The following ADA variants were observed in gnomAD, a reference collection of about 807,000 sequenced individuals.
ADA encodes adenosine aminohydrolase.
In ADA, 45 loss-of-function variants were observed where a neutral mutation model predicts 49.0. The observed-to-expected ratio is 0.92, with a 90% CI of 0.72 to 1.18. The LOEUF is 1.18. Among genes scored for constraint, ADA ranks in the 50% most tolerant of loss-of-function variants. The pLI is 0.00. For synonymous variants in ADA, 173 were observed against 184.2 expected, an observed-to-expected ratio of 0.94 and a Z score of 0.49; for missense variants, 445 against 472.5, an observed-to-expected ratio of 0.94 and a Z score of 0.54.
At chr20:44,628,981 G>A (rs2065407572) in intron 3 of ADA, 66 bp downstream of exon 3, 3 of 1,611,414 alleles carry the variant, frequency 1.9e-6, no homozygotes, top group Non-Finnish European at 2.5e-6. Flanking sequence ...CAGGCTGAGG[G>A]ACAGGCCTGG....
At chr20:44,626,637 C>G in intron 3 of ADA, 38 bp from the exon 4 acceptor site, 2 of 1,612,426 alleles carry the variant, frequency 1.2e-6, no homozygotes, top group African/African-American at 1.3e-5. Flanking sequence ...CAACCTTCCC[C>G]AAGTCCCTTG....
chr20:44,648,017 G>A (rs1363285756), intron 1 of ADA, among the ~76,000 whole-genome samples: 1 of 152,094 alleles, frequency 6.6e-6, no homozygotes, highest in African/African-American at 2.4e-5. Flanking sequence ...CTGCACTCCA[G>A]CTTGGGCGAC....
chr20:44,622,571 A>C lies in ADA; in HGVS notation c.845+17T>G, dbSNP rs763198534. On this transcript the variant is annotated intron_variant, in intron 9 of 11. Transcript: ENST00000372874. ...TCCTGGAACAAAATTGAACAGGCCC[A>C]GGGGAACAGAGCTCACCGAATGACT... The C allele has an allele frequency of 4.3e-6, 7 of 1,614,216 alleles. No homozygotes were observed. The Admixed American group carries it at 1.0e-4, about 23-fold the overall frequency.
At chr20:44,620,512 A>AG (rs1475388402) in intron 10 of ADA, 111 bp from the exon 11 acceptor site, 1 of 911,458 alleles carries the variant, frequency 1.1e-6, no homozygotes, top group Non-Finnish European at 1.8e-6. Flanking sequence ...ATACGCTTAG[A>AG]GGGGGAAGGA....
rs1458135388 is a variant in ADA at position 44,625,680 on chromosome 20, C to G, written c.367G>C (p.Asp123His). ...EPIPWNQAEG[D>H]LTPDEVVALV... ...GCCACCACCTCGTCTGGGGTGAGGT[C>G]CCCTCTGTGTGAGGAGAGGAGTAGG... The change falls in exon 5 of 12, where the codon GAC becomes CAC. Residue 123 changes from aspartate (D) to histidine (H), a missense_variant. Physicochemically the swap from Asp to His is moderately conservative, Grantham distance 81. Transcript: ENST00000372874. 4 of 1,559,596 alleles carry G rather than the reference C, an allele frequency of 2.6e-6. No individual in the cohort carries two copies. The African/African-American group carries it at 5.4e-5, about 21-fold the overall frequency.
At chr20:44,631,966 C>G (rs913913641) in intron 2 of ADA, among the ~76,000 whole-genome samples, 30 of 152,228 alleles carry the variant, frequency 2.0e-4, no homozygotes, top group Admixed American at 7.2e-4. Context: ...ATCTACCCAG[C>G]TGCCCACACC....
Position 44,626,491 on chromosome 20 carries a change from G to A in ADA, c.327C>T (p.Asn109=). The A allele has an allele frequency of 6.2e-7, 1 of 1,614,134 alleles. No homozygotes were observed. The highest frequency in any genetic ancestry group is 1.1e-5 in the South Asian group (1 of 91,078). ...TCCAGGGGATTGGCTCCACTTTGGA[G>A]TTGGCCAGCAGGTGCGGACTGTACC... ...EVRYSPHLLA[N]SKVEPIPWNQ... Residue 109 remains asparagine, a synonymous_variant, in exon 4 of 12, where the codon AAC becomes AAT. Coordinates refer to ENST00000372874, the MANE Select transcript of ADA (RefSeq NM_000022.4).
rs369533440 is a variant in ADA, at chr20:44,621,728, T to C, written c.846-581A>G. Among the ~76,000 whole-genome samples, 19 of 152,292 alleles carry C rather than the reference T, an allele frequency of 1.2e-4. No homozygotes were observed. The South Asian group carries it at 3.9e-3, about 32-fold the overall frequency. On this transcript the variant is annotated intron_variant, in intron 9 of 11. Coordinates refer to ENST00000372874, the MANE Select transcript of ADA (RefSeq NM_000022.4). ...TTTGACTTTCCTCCTACTTGTCTCT[T>C]TTGCTGGTCCCTTAAATACCATTGT...
intron 9 of ADA, among the ~76,000 whole-genome samples, chr20:44,621,940 T>C (rs2065336003): frequency 1.3e-5 from 2 of 152,284 alleles, no homozygotes; most frequent in African/African-American, 4.8e-5. Context: ...CCCCTTGTCA[T>C]CAGAACATCA....
chr20:44,645,549 G>A (rs2065582637), intron 1 of ADA, among the ~76,000 whole-genome samples: 1 of 152,056 alleles, frequency 6.6e-6, no homozygotes, highest in Non-Finnish European at 1.5e-5. Context: ...TTGAACCCGG[G>A]AGGCAGAGGT....
chr20:44,641,626 C>A (rs937340554), intron 1 of ADA, among the ~76,000 whole-genome samples: 2 of 152,044 alleles, frequency 1.3e-5, no homozygotes, highest in African/African-American at 4.8e-5. Flanking sequence ...TCAAACCAGG[C>A]CTGGCCTTGG....
At chr20:44,650,011 A>G (rs1286163140) in intron 1 of ADA, among the ~76,000 whole-genome samples, 2 of 152,222 alleles carry the variant, frequency 1.3e-5, no homozygotes, top group African/African-American at 4.8e-5. Flanking sequence ...CTGGGATTAT[A>G]GGCGTGAGCC....
intron 1 of ADA, among the ~76,000 whole-genome samples, chr20:44,637,600 G>A (rs1001951428): frequency 6.6e-6 from 1 of 152,204 alleles, no homozygotes; most frequent in Non-Finnish European, 1.5e-5. Flanking sequence ...GGATAAGAAA[G>A]TTGGCTGCCC....
In ADA at chr20:44,648,940, G is replaced by A. The variant is rs942926353; in HGVS notation, c.33+2635C>T. Among the ~76,000 whole-genome samples, 4 of 152,186 alleles carry A rather than the reference G, an allele frequency of 2.6e-5. No homozygotes were observed. In the East Asian group the frequency reaches 7.7e-4, roughly 29 times the overall value. On this transcript the variant is annotated intron_variant, in intron 1 of 11. Transcript: ENST00000372874. Reference sequence around the variant, plus strand: ...TTTCTTCTAGCTGACCAGGTCCCAGGCCTCAGCTGGTGGCAGGTATGAGAA... The same window carrying A: ...TTTCTTCTAGCTGACCAGGTCCCAGACCTCAGCTGGTGGCAGGTATGAGAA...
intron 1 of ADA, among the ~76,000 whole-genome samples, chr20:44,639,400 A>T (rs1451436244): frequency 6.6e-6 from 1 of 151,836 alleles, no homozygotes; most frequent in Non-Finnish European, 1.5e-5. Context: ...GTTATGTTAC[A>T]CTAGAGACAC....
chr20:44,633,939 A>C lies in ADA; in HGVS notation c.95+2288T>G, dbSNP rs73909566. ...CCATTCTTAGCCCATATTTGTGTGC[A>C]TTTACAGACACCCATATCTGAGTGT... On this transcript the variant is annotated intron_variant, in intron 2 of 11. Coordinates refer to ENST00000372874, the MANE Select transcript of ADA (RefSeq NM_000022.4). Among the ~76,000 whole-genome samples the C allele has an allele frequency of 6.1e-3, 928 of 152,296 alleles. 5 individuals carry two copies. Among genetic ancestry groups the C allele is most frequent in the African/African-American group, 0.021 (871 of 41,566 alleles).
chr20:44,650,375 G>A (rs1379005821), intron 1 of ADA, among the ~76,000 whole-genome samples: 2 of 152,152 alleles, frequency 1.3e-5, no homozygotes, highest in Non-Finnish European at 1.5e-5. Context: ...GATTCTCACC[G>A]GCACTTTTGT....
At chr20:44,620,585 T>C (rs2065320297) in intron 10 of ADA, 184 bp from the exon 11 acceptor site, 1 of 660,328 alleles carries the variant, frequency 1.5e-6, no homozygotes, top group Non-Finnish European at 2.7e-6. Flanking sequence ...GTTCTTAATT[T>C]GTCATTACAT....
intron 1 of ADA, among the ~76,000 whole-genome samples, chr20:44,649,190 A>G (rs1478547888): frequency 1.3e-5 from 2 of 152,096 alleles, no homozygotes; most frequent in African/African-American, 4.8e-5. Context: ...AAAAATGCAG[A>G]TAATGTGTTT....
Sources: allele counts gnomAD v4.1 joint callset (sites outside exome capture counted in the v4.1 genomes callset), GRCh38; gene constraint gnomAD v4.1.1; transcripts MANE v1.5; gene names NCBI Gene and HGNC (gene_info 2026-07-23, HGNC 2026-07-21).